Variants in CSGALNACT2 observed in about 807,000 individuals in gnomAD.
CSGALNACT2 encodes chondroitin sulfate N-acetylgalactosaminyltransferase 2.
CSGALNACT2 carries 35 observed loss-of-function variants against 55.3 expected under a neutral mutation model. The ratio of observed to expected loss-of-function variants is 0.63; its 90% confidence interval spans 0.48 to 0.84. The LOEUF (loss-of-function observed/expected upper bound fraction) is 0.84. CSGALNACT2 is among the 40% of genes least tolerant of loss of function. The pLI is 0.00. For synonymous variants in CSGALNACT2, 196 were observed against 224.9 expected (o/e 0.87, Z 1.15); for missense variants, 544 against 657.5 (o/e 0.83, Z 1.89).
In CSGALNACT2 at chr10:43,173,301, T is replaced by G. The variant is rs376259079; in HGVS notation, c.1255-2650T>G. 8.5e-5 allele frequency among the ~76,000 whole-genome samples: 13 copies of G among 152,344 alleles called. No individual in the cohort carries two copies. The South Asian group carries it at 2.5e-3, about 29-fold the overall frequency. On this transcript the variant is annotated intron_variant, in intron 6 of 7. Coordinates refer to ENST00000374466, the MANE Select transcript of CSGALNACT2 (RefSeq NM_018590.5). Reference sequence around the variant, plus strand: ...CAACTGGAGCCATAGTAGCCATGTGTTGTTTATCAGACATCCAAGGGGAGG... The same window carrying G: ...CAACTGGAGCCATAGTAGCCATGTGGTGTTTATCAGACATCCAAGGGGAGG...
chr10:43,163,796 C>T, intron 4 of CSGALNACT2, 70 bp from the exon 5 acceptor site: 1 of 1,467,138 alleles, frequency 6.8e-7, no homozygotes, highest in Non-Finnish European at 9.1e-7. Context: ...ATTTTGTAAG[C>T]TGTGTTGAAG....
intron 1 of CSGALNACT2, among the ~76,000 whole-genome samples, chr10:43,145,878 A>G (rs1838736648): frequency 6.6e-6 from 1 of 152,214 alleles, no homozygotes; most frequent in Non-Finnish European, 1.5e-5. Flanking sequence ...TTATTTTAAT[A>G]GTATGAATAT....
intron 7 of CSGALNACT2, among the ~76,000 whole-genome samples, chr10:43,176,689 C>T (rs1266476161): frequency 2.6e-5 from 4 of 152,222 alleles, no homozygotes; most frequent in African/African-American, 7.2e-5. Flanking sequence ...CCTCAATCCC[C>T]AAGTAGCTGT....
At chr10:43,144,738 G>A (rs966969047) in intron 1 of CSGALNACT2, among the ~76,000 whole-genome samples, 2 of 152,142 alleles carry the variant, frequency 1.3e-5, no homozygotes, top group Admixed American at 1.3e-4. Context: ...AATCATCACT[G>A]CAACCAAAGT....
At chr10:43,160,358 A>C in intron 3 of CSGALNACT2, 136 bp from the exon 4 acceptor site, 2 of 584,268 alleles carry the variant, frequency 3.4e-6, no homozygotes, top group Non-Finnish European at 6.0e-6. Flanking sequence ...TCCATAATTC[A>C]TCAGTATTGC....
At chr10:43,150,895 T>G (rs535916246) in intron 1 of CSGALNACT2, among the ~76,000 whole-genome samples, 1 of 152,210 alleles carries the variant, frequency 6.6e-6, no homozygotes, top group South Asian at 2.1e-4. Flanking sequence ...TATTTTTGAT[T>G]CTTTTTTCTT....
chr10:43,172,349 T>C (rs1343568256), intron 6 of CSGALNACT2, among the ~76,000 whole-genome samples: 1 of 152,234 alleles, frequency 6.6e-6, no homozygotes, highest in Non-Finnish European at 1.5e-5. Flanking sequence ...ATCTATATTT[T>C]AGGTAACATT....
At chr10:43,160,096 A>T (rs569900097) in intron 3 of CSGALNACT2, among the ~76,000 whole-genome samples, 82 of 152,322 alleles carry the variant, frequency 5.4e-4, no homozygotes, top group Middle Eastern at 3.4e-3. Flanking sequence ...GCAAATATTT[A>T]TTCCTTAATG....
chr10:43,159,343 G>A (rs996294618), intron 3 of CSGALNACT2, among the ~76,000 whole-genome samples: 13 of 150,708 alleles, frequency 8.6e-5, no homozygotes, highest in Non-Finnish European at 8.8e-5. Context: ...CTATCACCCA[G>A]GCTAGAATGC....
intron 5 of CSGALNACT2, among the ~76,000 whole-genome samples, chr10:43,164,720 G>T (rs1045463698): frequency 6.6e-6 from 1 of 151,570 alleles, no homozygotes; most frequent in Non-Finnish European, 1.5e-5. Context: ...GGTGGCGTAC[G>T]CCTGTAGTCC....
chr10:43,159,708 A>T (rs1839102983), intron 3 of CSGALNACT2, among the ~76,000 whole-genome samples: 1 of 152,240 alleles, frequency 6.6e-6, no homozygotes, highest in Non-Finnish European at 1.5e-5. Flanking sequence ...TTTTTATGTT[A>T]TCAAATTTGT....
intron 7 of CSGALNACT2, among the ~76,000 whole-genome samples, chr10:43,176,796 G>T (rs979465588): frequency 5.9e-5 from 9 of 152,144 alleles, no homozygotes; most frequent in Non-Finnish European, 1.2e-4. Context: ...TGAACTCCTG[G>T]GTTCAAGCAA....
rs749017097 is a variant in CSGALNACT2, at chr10:43,155,138, A to T, written c.-12A>T. The stretch of plus-strand genomic sequence containing the variant: ...AGAGCTTATTTTGTTAGGCAAATAC[A>T]CATTAATAAGAATGCCTAGAAGAGG... On this transcript the variant is annotated 5_prime_UTR_variant, in exon 2 of 8. Transcript: ENST00000374466. 1.2e-6 allele frequency: 2 copies of T among 1,602,102 alleles called. No individual in the cohort carries two copies. Among genetic ancestry groups the T allele is most frequent in the East Asian group, 4.5e-5 (2 of 44,676 alleles).
chr10:43,158,812 T>G lies in CSGALNACT2; in HGVS notation c.759T>G (p.Pro253=), dbSNP rs1219016491. ...TEYRHVTLFR[P]FGPLMKVKSE... Reference sequence around the variant, plus strand: ...ATAGACATGTGACCCTCTTCCGCCCTTTTGGACCTCTCATGAAAGTGAAGA... The same window carrying G: ...ATAGACATGTGACCCTCTTCCGCCCGTTTGGACCTCTCATGAAAGTGAAGA... Residue 253 remains proline, a synonymous_variant, in exon 3 of 8, where the codon CCT becomes CCG. Coordinates refer to ENST00000374466, the MANE Select transcript of CSGALNACT2 (RefSeq NM_018590.5). 6.2e-7 allele frequency: 1 copy of G among 1,609,830 alleles called. No individual in the cohort carries two copies. The highest frequency in any genetic ancestry group is 8.5e-7 in the Non-Finnish European group (1 of 1,176,384).
rs879291730 is a variant in CSGALNACT2, at chr10:43,142,200, A to ATTTG, written c.-254+3637_-254+3640dup. ...TATTTTTTTTATTTTGTATTTATTT[A>ATTTG]TTTGTTTATTTATTTATTTATTTAT... is the stretch of plus-strand genomic sequence containing the variant. On this transcript the variant is annotated intron_variant, in intron 1 of 7. Coordinates refer to ENST00000374466, the MANE Select transcript of CSGALNACT2 (RefSeq NM_018590.5). Among the ~76,000 whole-genome samples, 1,087 of 148,628 alleles carry ATTTG rather than the reference A, an allele frequency of 7.3e-3. 11 individuals are homozygous for ATTTG. Among genetic ancestry groups the ATTTG allele is most frequent in the South Asian group, 0.016 (72 of 4,560 alleles).
intron 5 of CSGALNACT2, among the ~76,000 whole-genome samples, chr10:43,164,863 T>A (rs796984516): frequency 1.0e-3 from 152 of 149,790 alleles, no homozygotes; most frequent in African/African-American, 3.5e-3. Flanking sequence ...AAAAAAAAAA[T>A]TAATGAGAAG....
intron 6 of CSGALNACT2, among the ~76,000 whole-genome samples, chr10:43,170,423 A>G (rs143448620): frequency 6.6e-6 from 1 of 152,358 alleles, no homozygotes; most frequent in East Asian, 1.9e-4. Context: ...ATAAAAAGAT[A>G]GGGGGAATAT....
chr10:43,181,617 A>T (rs1484256926), intron 7 of CSGALNACT2, among the ~76,000 whole-genome samples: 1 of 151,680 alleles, frequency 6.6e-6, no homozygotes, highest in Non-Finnish European at 1.5e-5. Context: ...AGTGGGATAG[A>T]ATTATTTGAC....
chr10:43,183,013 TATTTAACCCC>T lies in CSGALNACT2; in HGVS notation c.1337-232_1337-223del, dbSNP rs538717878. Among the ~76,000 whole-genome samples the T allele has an allele frequency of 4.7e-4, 71 of 152,298 alleles. 1 individual carries two copies. The East Asian group carries it at 0.012, about 26-fold the overall frequency. Reference sequence around the variant, plus strand: ...TTGAAATTTACAAAGTGTTCTTAAATATTTAACCCCATTTTGATACTGTCAACAACCAACC... The same window carrying T: ...TTGAAATTTACAAAGTGTTCTTAAATATTTTGATACTGTCAACAACCAACC... On this transcript the variant is annotated intron_variant, in intron 7 of 7. Coordinates refer to ENST00000374466, the MANE Select transcript of CSGALNACT2 (RefSeq NM_018590.5).
Sources: allele counts gnomAD v4.1 joint callset (sites outside exome capture counted in the v4.1 genomes callset), GRCh38; gene constraint gnomAD v4.1.1; transcripts MANE v1.5; gene names NCBI Gene and HGNC (gene_info 2026-07-23, HGNC 2026-07-21).